The following RCAN1 variants were observed in gnomAD, a reference collection of about 807,000 sequenced individuals.
RCAN1 encodes calcipressin-1.
RCAN1 carries 11 observed loss-of-function variants against 22.9 expected under a neutral mutation model. That is an observed-to-expected ratio of 0.48 (90% CI 0.30 to 0.79). The LOEUF is 0.79. Ranked by LOEUF, RCAN1 falls within the 30% of genes least tolerant of loss-of-function variation. The probability of loss-of-function intolerance (pLI) is 0.06; values close to 1 mark genes in which losing one functional copy is unlikely to be tolerated. For missense variants in RCAN1, 291 were observed against 337.8 expected, an observed-to-expected ratio of 0.86 and a Z score of 1.09; for synonymous variants, 136 against 142.3, an observed-to-expected ratio of 0.96 and a Z score of 0.32.
At chr21:34,557,381 G>A (rs923057674) in intron 1 of RCAN1, among the ~76,000 whole-genome samples, 5 of 152,060 alleles carry the variant, frequency 3.3e-5, no homozygotes, top group South Asian at 2.1e-4. Flanking sequence ...TTCCCACAAC[G>A]CCCCACTGAG....
rs1984558864 is a variant in RCAN1, at chr21:34,521,614, G to A, written c.471C>T (p.Asp157=). 2 of 1,613,914 alleles carry A rather than the reference G, an allele frequency of 1.2e-6. No individual in the cohort carries two copies. The highest frequency in any genetic ancestry group is 8.5e-7 in the Non-Finnish European group (1 of 1,179,950). The change falls in exon 3 of 4, where the codon GAC becomes GAT. Residue 157 remains aspartate, a synonymous_variant. Coordinates refer to ENST00000313806, the MANE Select transcript of RCAN1 (RefSeq NM_004414.7). ...CGGGAGGGGAGATCAGAAACTGCTT[G>A]TCTGGATTTGGCGGAGCCAGGTGTG... The part of the protein sequence containing the change: ...GSSHLAPPNP[D]KQFLISPPAS...
chr21:34,613,098 A>G (rs191172984), intron 1 of RCAN1, among the ~76,000 whole-genome samples: 18 of 152,316 alleles, frequency 1.2e-4, no homozygotes, highest in Non-Finnish European at 2.4e-4. Context: ...TGGCTGGAAC[A>G]CAGTAAGCAC....
At chr21:34,596,571 G>A (rs1029514612) in intron 1 of RCAN1, among the ~76,000 whole-genome samples, 5 of 152,166 alleles carry the variant, frequency 3.3e-5, no homozygotes, top group Non-Finnish European at 7.4e-5. Flanking sequence ...ACGGCAGGCT[G>A]GGTTCTCGTA....
chr21:34,526,754 C>A, intron 1 of RCAN1: 1 of 1,611,364 alleles, frequency 6.2e-7, no homozygotes, highest in Non-Finnish European at 8.5e-7. Flanking sequence ...ATGCATCTTG[C>A]TTTCTTACAG....
At chr21:34,565,407 C>T in intron 1 of RCAN1, among the ~76,000 whole-genome samples, 1 of 152,174 alleles carries the variant, frequency 6.6e-6, no homozygotes, top group African/African-American at 2.4e-5. Flanking sequence ...TGGCAGTGCA[C>T]AGAGGGCAGC....
Position 34,539,816 on chromosome 21 carries a change from C to T in RCAN1, c.253-16106G>A, listed in dbSNP as rs79818743. Among the ~76,000 whole-genome samples the T allele has an allele frequency of 1.0e-2, 1,518 of 152,304 alleles. 19 individuals carry two copies. The highest frequency in any genetic ancestry group is 0.034 in the African/African-American group (1,427 of 41,552). ...GTTATTGAAAGAATCCTATTTCATA[C>T]CTAGAAACAGGGATTTCACCAGAAA... On this transcript the variant is annotated intron_variant, in intron 1 of 3. Transcript: ENST00000313806.
At chr21:34,575,461 G>A (rs908446170) in intron 1 of RCAN1, among the ~76,000 whole-genome samples, 6 of 152,140 alleles carry the variant, frequency 3.9e-5, no homozygotes, top group Non-Finnish European at 8.8e-5. Context: ...CCTACAGCCC[G>A]GAGAATTGAT....
chr21:34,562,462 C>T (rs1986825401), intron 1 of RCAN1, among the ~76,000 whole-genome samples: 1 of 152,126 alleles, frequency 6.6e-6, no homozygotes, highest in South Asian at 2.1e-4. Flanking sequence ...CAGAGGGTCC[C>T]CAAGGAGTGA....
intron 1 of RCAN1, among the ~76,000 whole-genome samples, chr21:34,554,102 C>A (rs924559045): frequency 2.6e-5 from 4 of 152,186 alleles, no homozygotes; most frequent in African/African-American, 9.7e-5. Context: ...CTATTCGAAT[C>A]TTTAGCTAGA....
chr21:34,570,193 T>C (rs1987186579), intron 1 of RCAN1, among the ~76,000 whole-genome samples: 2 of 152,140 alleles, frequency 1.3e-5, no homozygotes, highest in Admixed American at 6.5e-5. Flanking sequence ...AAATTCTAGA[T>C]AGTGAAAAAG....
chr21:34,518,629 T>A lies in RCAN1; in HGVS notation c.587-373A>T, dbSNP rs995540425. Among the ~76,000 whole-genome samples, 1 of 152,250 alleles carries A rather than the reference T, an allele frequency of 6.6e-6. No homozygotes were observed. The highest frequency in any genetic ancestry group is 1.5e-5 in the Non-Finnish European group (1 of 68,044). The stretch of plus-strand genomic sequence containing the variant: ...GAGAAACTTCGGTTCAGGAAAAAGA[T>A]GGATGAAGAAACGTATTTGGAAACA... On this transcript the variant is annotated intron_variant, in intron 3 of 3. Coordinates refer to ENST00000313806, the MANE Select transcript of RCAN1 (RefSeq NM_004414.7). The surrounding 1 kb of genome is among the most constrained non-coding windows in gnomAD (Gnocchi z 4.2).
intron 1 of RCAN1, among the ~76,000 whole-genome samples, chr21:34,575,620 TCAAA>T (rs777202596): frequency 7.2e-5 from 11 of 152,158 alleles, no homozygotes; most frequent in Admixed American, 3.3e-4. Flanking sequence ...CCTCCCGGGC[TCAAA>T]CAATCTGCCC....
At chr21:34,603,824 T>C (rs1274072790) in intron 1 of RCAN1, among the ~76,000 whole-genome samples, 2 of 152,200 alleles carry the variant, frequency 1.3e-5, no homozygotes, top group Non-Finnish European at 2.9e-5. Flanking sequence ...ATAGGAGACC[T>C]ATAATTGATT....
chr21:34,521,288 C>T, intron 3 of RCAN1: 1 of 1,446,008 alleles, frequency 6.9e-7, no homozygotes, highest in South Asian at 1.4e-5. Context: ...TCCCCACGAT[C>T]AGCCGCAGTC....
intron 1 of RCAN1, among the ~76,000 whole-genome samples, chr21:34,533,098 C>T (rs1038110902): frequency 1.3e-5 from 2 of 151,288 alleles, no homozygotes; most frequent in African/African-American, 2.4e-5. Context: ...GTAGCTGGGA[C>T]TACAGGTGCC....
intron 1 of RCAN1, among the ~76,000 whole-genome samples, chr21:34,549,141 G>A (rs139131732): frequency 1.6e-4 from 25 of 152,178 alleles, no homozygotes; most frequent in Admixed American, 1.4e-3. Flanking sequence ...AAAGACAGGC[G>A]TGTCTCTGGC....
chr21:34,554,080 A>C (rs574375192), intron 1 of RCAN1, among the ~76,000 whole-genome samples: 1 of 152,258 alleles, frequency 6.6e-6, no homozygotes, highest in Non-Finnish European at 1.5e-5. Context: ...CAAAAATCTC[A>C]GAAACAATGC....
chr21:34,562,496 G>T (rs1000373079), intron 1 of RCAN1, among the ~76,000 whole-genome samples: 1 of 152,158 alleles, frequency 6.6e-6, no homozygotes, highest in Non-Finnish European at 1.5e-5. Flanking sequence ...AGGCGACATG[G>T]GTGGTGCCAC....
At chr21:34,595,891 T>C (rs1012080351) in intron 1 of RCAN1, among the ~76,000 whole-genome samples, 1 of 151,764 alleles carries the variant, frequency 6.6e-6, no homozygotes, top group Non-Finnish European at 1.5e-5. Context: ...AAAAGGGGAG[T>C]CTGGGGGTCC....
Sources: allele counts gnomAD v4.1 joint callset (sites outside exome capture counted in the v4.1 genomes callset), GRCh38; gene constraint gnomAD v4.1.1; non-coding constraint Gnocchi (gnomAD v3.1); transcripts MANE v1.5; gene names NCBI Gene and HGNC (gene_info 2026-07-23, HGNC 2026-07-21).